COL8A1: variants seen among roughly 807,000 people sequenced by gnomAD.
COL8A1 encodes collagen alpha-1(VIII) chain.
Under a neutral mutation model 42.7 loss-of-function variants are expected in COL8A1, and 21 were observed. The ratio of observed to expected loss-of-function variants is 0.49; its 90% CI spans 0.35 to 0.71. The LOEUF (loss-of-function observed/expected upper bound fraction) is 0.71, where lower values mean the gene tolerates loss of function less well. COL8A1 is among the 30% of genes least tolerant of loss of function. COL8A1 has a pLI of 0.01. For missense variants in COL8A1, 788 were observed against 962.4 expected (o/e 0.82, Z 2.40); for synonymous variants, 367 against 369.1 (o/e 0.99, Z 0.06).
At chr3:99,714,065 C>G (rs776663934) in intron 1 of COL8A1, among the ~76,000 whole-genome samples, 8 of 152,046 alleles carry the variant, frequency 5.3e-5, no homozygotes, top group Non-Finnish European at 1.0e-4. Context: ...ACCATAGATG[C>G]ACTTGGATGA....
At chr3:99,682,094 T>C (rs1036609307) in intron 1 of COL8A1, among the ~76,000 whole-genome samples, 2 of 152,130 alleles carry the variant, frequency 1.3e-5, no homozygotes, top group African/African-American at 2.4e-5. Flanking sequence ...AAATCCGAAG[T>C]TCTCCATCTC....
At position 99,643,915 on chromosome 3, in the gene COL8A1, G is replaced by C. The variant is rs547681299; in HGVS notation, c.-129+5251G>C. On this transcript the variant is annotated intron_variant, in intron 1 of 3. Coordinates refer to ENST00000652472, the MANE Select transcript of COL8A1 (RefSeq NM_020351.4). ...CTTCCTCGGCCTCTAATGAGAGAAA[G>C]AGCAAAATACCCATAATGGATAATC... Among the ~76,000 whole-genome samples the C allele has an allele frequency of 2.0e-4, 30 of 152,270 alleles. No individual in the cohort carries two copies. The South Asian group carries it at 6.0e-3, about 31-fold the overall frequency.
chr3:99,772,931 C>A (rs117989831), intron 2 of COL8A1, among the ~76,000 whole-genome samples: 4 of 152,132 alleles, frequency 2.6e-5, no homozygotes, highest in African/African-American at 9.6e-5. Flanking sequence ...GTAGTCCTAA[C>A]GAATGAGGCC....
chr3:99,727,713 C>T (rs1189447280), intron 1 of COL8A1, among the ~76,000 whole-genome samples: 1 of 151,972 alleles, frequency 6.6e-6, no homozygotes, highest in Non-Finnish European at 1.5e-5. Flanking sequence ...GACCAATATC[C>T]TTGATGAACA....
At chr3:99,669,151 GGAGAGAGA>G (rs36015819) in intron 1 of COL8A1, among the ~76,000 whole-genome samples, 104 of 114,056 alleles carry the variant, frequency 9.1e-4, no homozygotes, top group African/African-American at 3.0e-3. Flanking sequence ...ATATATAGAG[GGAGAGAGA>G]GAGAGAGAGA....
chr3:99,698,259 T>C (rs1343024224), intron 1 of COL8A1, among the ~76,000 whole-genome samples: 2 of 152,224 alleles, frequency 1.3e-5, no homozygotes, highest in Non-Finnish European at 2.9e-5. Context: ...CTATAGTGAA[T>C]GGTGCCACAA....
chr3:99,659,310 A>G (rs1336237725), intron 1 of COL8A1, among the ~76,000 whole-genome samples: 2 of 151,766 alleles, frequency 1.3e-5, no homozygotes, highest in Non-Finnish European at 2.9e-5. Flanking sequence ...ATTAGTCACA[A>G]CTCCCACTTA....
intron 1 of COL8A1, among the ~76,000 whole-genome samples, chr3:99,661,032 G>A (rs958210902): frequency 2.0e-5 from 3 of 152,048 alleles, no homozygotes; most frequent in Non-Finnish European, 2.9e-5. Flanking sequence ...GGTGTTAGAC[G>A]GTGAATTAGT....
chr3:99,752,806 G>A (rs1466242832), intron 2 of COL8A1, among the ~76,000 whole-genome samples: 5 of 151,280 alleles, frequency 3.3e-5, no homozygotes, highest in South Asian at 2.1e-4. Context: ...ACAAACTCCC[G>A]CATAAATAAA....
At chr3:99,748,816 C>A (rs1396047800) in intron 2 of COL8A1, among the ~76,000 whole-genome samples, 1 of 152,174 alleles carries the variant, frequency 6.6e-6, no homozygotes, top group Non-Finnish European at 1.5e-5. Context: ...TTAGTTGATG[C>A]CCCAAATTGC....
chr3:99,737,783 G>A (rs369771220), intron 1 of COL8A1, among the ~76,000 whole-genome samples: 7 of 151,944 alleles, frequency 4.6e-5, no homozygotes, highest in East Asian at 3.9e-4. Flanking sequence ...GCCTTGCTAG[G>A]TTGGGGAAGT....
At chr3:99,745,499 G>T (rs1023739827) in intron 2 of COL8A1, among the ~76,000 whole-genome samples, 2 of 152,158 alleles carry the variant, frequency 1.3e-5, no homozygotes, top group Non-Finnish European at 2.9e-5. Flanking sequence ...TCTCAGTCAT[G>T]TCTATATATG....
At chr3:99,740,904 CTTG>C (rs1255632662) in intron 1 of COL8A1, among the ~76,000 whole-genome samples, 1 of 152,036 alleles carries the variant, frequency 6.6e-6, no homozygotes, top group Non-Finnish European at 1.5e-5. Flanking sequence ...TGATTTTTAG[CTTG>C]TTTCCATATC....
chr3:99,730,351 C>T (rs1940465294), intron 1 of COL8A1, among the ~76,000 whole-genome samples: 1 of 152,100 alleles, frequency 6.6e-6, no homozygotes, highest in African/African-American at 2.4e-5. Context: ...TGTTGAAATG[C>T]ATATCAAAAC....
chr3:99,734,844 T>C (rs1940652283), intron 1 of COL8A1, among the ~76,000 whole-genome samples: 1 of 152,140 alleles, frequency 6.6e-6, no homozygotes, highest in African/African-American at 2.4e-5. Context: ...GGTTTGCAGT[T>C]CTCCTTGAAG....
intron 1 of COL8A1, among the ~76,000 whole-genome samples, chr3:99,641,929 C>T (rs188361499): frequency 6.5e-4 from 99 of 152,056 alleles, no homozygotes; most frequent in Non-Finnish European, 1.3e-3. Context: ...GAATGAATGC[C>T]CTTTGGAATT....
chr3:99,762,556 C>T (rs887894069), intron 2 of COL8A1, among the ~76,000 whole-genome samples: 1 of 150,286 alleles, frequency 6.7e-6, no homozygotes, highest in Admixed American at 6.6e-5. Context: ...CTCAACTCTG[C>T]CATGGACCAC....
chr3:99,644,880 A>C (rs1422546576), intron 1 of COL8A1, among the ~76,000 whole-genome samples: 2 of 152,176 alleles, frequency 1.3e-5, no homozygotes, highest in African/African-American at 2.4e-5. Flanking sequence ...GAGCTTCTCT[A>C]GTCCCCTCTG....
intron 2 of COL8A1, among the ~76,000 whole-genome samples, chr3:99,772,358 C>T (rs972863082): frequency 2.0e-5 from 3 of 152,226 alleles, no homozygotes; most frequent in African/African-American, 7.2e-5. Context: ...ATTCTTGGAG[C>T]GGTGAAACTA....
Sources: allele counts gnomAD v4.1 joint callset (sites outside exome capture counted in the v4.1 genomes callset), GRCh38; gene constraint gnomAD v4.1.1; transcripts MANE v1.5; gene names NCBI Gene and HGNC (gene_info 2026-07-23, HGNC 2026-07-21).